ZAN: variants seen among roughly 807,000 people sequenced by gnomAD.
ZAN encodes the protein zonadhesin, also known as zonadhesin (gene/pseudogene).
A neutral mutation model predicts 286.2 loss-of-function variants in ZAN; 260 were observed. The ratio of observed to expected loss-of-function variants is 0.91; its 90% CI spans 0.82 to 1.01. The LOEUF is 1.01. ZAN is among the 50% of genes least tolerant of loss of function. The pLI is 0.00. For synonymous variants in ZAN, 1,368 were observed against 1,417.5 expected, an observed-to-expected ratio of 0.97 and a Z score of 0.79; for missense variants, 3,410 against 3,639.2, an observed-to-expected ratio of 0.94 and a Z score of 1.62.
rs781173241 is a variant in ZAN, at chr7:100,750,732, G to A, written c.1357G>A (p.Ala453Thr). The change falls in exon 12 of 48, where the codon GCA becomes ACA. Residue 453 changes from alanine (A) to threonine (T), a missense_variant. Ala to Thr is a moderately conservative substitution (Grantham distance 58). Around this residue, in one of 7 missense-constraint regions of ZAN, gnomAD observed 872 missense variants for 938.9 expected, o/e 0.93. Coordinates refer to ENST00000613979, the MANE Select transcript of ZAN (RefSeq NM_003386.3). ...CAPGDICVEF[A>T]YHMYGLGEGT... ...CCCAGGTGACATCTGCGTGGAGTTC[G>A]CATACCACATGTATGGCCTTGGGGA... The A allele has an allele frequency of 3.7e-6, 6 of 1,612,854 alleles. No homozygotes were observed. The highest frequency in any genetic ancestry group is 1.1e-5 in the South Asian group (1 of 90,836).
chr7:100,752,811 C>T lies in ZAN; in HGVS notation c.2706C>T (p.Pro902=). The T allele has an allele frequency of 6.3e-7, 1 of 1,594,420 alleles. No homozygotes were observed. The highest frequency in any genetic ancestry group is 8.6e-7 in the Non-Finnish European group (1 of 1,168,728). The change falls in exon 14 of 48, where the codon CCC becomes CCT. Residue 902 remains proline, a synonymous_variant. Coordinates refer to ENST00000613979, the MANE Select transcript of ZAN (RefSeq NM_003386.3). ...TTISTEKLTI[P]TEKPTISPEK... The stretch of plus-strand genomic sequence containing the variant: ...TCTCCACAGAAAAACTCACCATCCC[C>T]ACAGAAAAACCCACCATCTCCCCAG...
At chr7:100,760,722 G>C (rs532156196) in intron 19 of ZAN, among the ~76,000 whole-genome samples, 186 bp downstream of exon 19, 1 of 152,234 alleles carries the variant, frequency 6.6e-6, no homozygotes, top group African/African-American at 2.4e-5. Context: ...CCAGGAGACA[G>C]GAGAAAATGG....
At chr7:100,789,068 C>T in intron 38 of ZAN, 150 bp from the exon 39 acceptor site, 2 of 1,203,040 alleles carry the variant, frequency 1.7e-6, no homozygotes, top group Non-Finnish European at 2.2e-6. Flanking sequence ...AGGTTTCTGC[C>T]ACGTGAATAG....
chr7:100,766,478 A>G, intron 23 of ZAN, 47 bp from the exon 24 acceptor site: 3 of 1,505,374 alleles, frequency 2.0e-6, no homozygotes, highest in Admixed American at 4.2e-5. Context: ...AAAACAAAAC[A>G]AAGCAAAAAA....
chr7:100,762,940 G>C (rs1043838521), intron 20 of ZAN, among the ~76,000 whole-genome samples: 1 of 151,358 alleles, frequency 6.6e-6, no homozygotes, highest in African/African-American at 2.4e-5. Context: ...CACCAGATGG[G>C]GGGTTGACCA....
intron 7 of ZAN, among the ~76,000 whole-genome samples, chr7:100,744,621 G>A (rs890818693): frequency 1.3e-5 from 2 of 150,640 alleles, no homozygotes; most frequent in African/African-American, 4.9e-5. Context: ...AAATAAATAC[G>A]TACATAAATA....
intron 28 of ZAN, among the ~76,000 whole-genome samples, chr7:100,771,467 T>C (rs1810363543): frequency 6.6e-6 from 1 of 151,790 alleles, no homozygotes; most frequent in African/African-American, 2.4e-5. Flanking sequence ...AGTCTTGATC[T>C]GTTGCCCAGG....
intron 15 of ZAN, 40 bp from the exon 16 acceptor site, chr7:100,758,162 G>C: frequency 6.5e-7 from 1 of 1,536,002 alleles, no homozygotes; most frequent in Non-Finnish European, 8.8e-7. Flanking sequence ...AGTACTCTAG[G>C]AGCTATATGA....
At chr7:100,796,510 G>A (rs970919013) in intron 45 of ZAN, among the ~76,000 whole-genome samples, 3 of 147,872 alleles carry the variant, frequency 2.0e-5, no homozygotes, top group South Asian at 2.2e-4. Flanking sequence ...TCCACCTCCC[G>A]GGTTCAAGTG....
chr7:100,764,047 A>C lies in ZAN; in HGVS notation c.4118A>C (p.Lys1373Thr), dbSNP rs1809777173. 2 of 1,613,746 alleles carry C rather than the reference A, an allele frequency of 1.2e-6. No individual in the cohort carries two copies. The change falls in exon 22 of 48, where the codon AAG becomes ACG. Residue 1373 changes from lysine (K) to threonine (T), a missense_variant. By Grantham distance (78) the Lys-to-Thr change is moderately conservative. Transcript: ENST00000613979. Reference sequence around the variant, plus strand: ...CTCAGGACATGCCTGCTGCACGTGAAGGCCGCTTCCTTCTTCGACAGCTGC... The same window carrying C: ...CTCAGGACATGCCTGCTGCACGTGACGGCCGCTTCCTTCTTCGACAGCTGC... ...GPFETCLLHV[K>T]AASFFDSCML...
At chr7:100,756,697 TG>T (rs1404678081) in intron 15 of ZAN, among the ~76,000 whole-genome samples, 5 of 150,464 alleles carry the variant, frequency 3.3e-5, no homozygotes, top group African/African-American at 1.2e-4. Flanking sequence ...TATTCACTTT[TG>T]TTTTTTTTTT....
chr7:100,775,440 C>T lies in ZAN; in HGVS notation c.5892C>T (p.Ala1964=). 6.2e-7 allele frequency: 1 copy of T among 1,614,006 alleles called. No individual in the cohort carries two copies. The highest frequency in any genetic ancestry group is 1.1e-5 in the South Asian group (1 of 91,082). The change falls in exon 32 of 48, where the codon GCC becomes GCT. Residue 1964 remains alanine, a synonymous_variant. Transcript: ENST00000613979. The part of the protein sequence containing the change: ...TLVLVKVCHP[A]MALPFFKISA... The stretch of plus-strand genomic sequence containing the variant: ...TCCTGGTGAAAGTGTGCCACCCCGC[C>T]ATGGCCTTGCCCTTCTTCAAGATCA...
intron 11 of ZAN, among the ~76,000 whole-genome samples, chr7:100,749,391 AGC>A: frequency 6.6e-6 from 1 of 152,068 alleles, no homozygotes; most frequent in South Asian, 2.1e-4. Context: ...CTGTAATCCC[AGC>A]ACTTTGGGAG....
chr7:100,784,926 T>C, intron 36 of ZAN, 92 bp downstream of exon 36: 2 of 1,391,414 alleles, frequency 1.4e-6, no homozygotes, highest in Non-Finnish European at 1.9e-6. Context: ...GGGATACCCA[T>C]GACTTACAGC....
At position 100,769,880 on chromosome 7, in the gene ZAN, C is replaced by G. The variant is rs1233749954; in HGVS notation, c.5154C>G (p.Gly1718=). ...AWKLPESSEP[G]CFLVGGKPSS... ...TCAGTTTCTATTCTCTCTCATTTAGCTGTTTCCTTGTGGGTGGCAAGCCCT... is the reference window on the plus strand; with the variant it reads ...TCAGTTTCTATTCTCTCTCATTTAGGTGTTTCCTTGTGGGTGGCAAGCCCT... The change falls in exon 28 of 48, where the codon GGC becomes GGG. Residue 1718 remains glycine, a splice_region_variant and synonymous_variant. Transcript: ENST00000613979. 34 of 1,554,360 alleles carry G rather than the reference C, an allele frequency of 2.2e-5. No individual in the cohort carries two copies. Among genetic ancestry groups the G allele is most frequent in the Non-Finnish European group, 2.9e-5 (33 of 1,148,418 alleles).
Position 100,764,051 on chromosome 7 carries a change from C to T in ZAN, c.4122C>T (p.Ala1374=), listed in dbSNP as rs780035323. The T allele has an allele frequency of 6.2e-6, 10 of 1,613,780 alleles. No homozygotes were observed. Among genetic ancestry groups the T allele is most frequent in the South Asian group, 2.2e-5 (2 of 91,088 alleles). ...PFETCLLHVK[A]ASFFDSCMLD... is the part of the protein sequence containing the mutation. ...GGACATGCCTGCTGCACGTGAAGGC[C>T]GCTTCCTTCTTCGACAGCTGCATGC... The change falls in exon 22 of 48, where the codon GCC becomes GCT. Residue 1374 remains alanine, a synonymous_variant. Transcript: ENST00000613979.
chr7:100,750,811 C>T lies in ZAN; in HGVS notation c.1436C>T (p.Pro479Leu). Residue 479 changes from proline to leucine, a missense_variant, in exon 12 of 48, where the codon CCT becomes CTT. Physicochemically the swap from Pro to Leu is moderately conservative, Grantham distance 98 (BLOSUM62 -3). Coordinates refer to ENST00000613979, the MANE Select transcript of ZAN (RefSeq NM_003386.3). Reference sequence around the variant, plus strand: ...AGTCCTGCGGGGAGTCCCCCGATTCCTCTCTGGAAACGCGTGGGGTCTCAG... The same window carrying T: ...AGTCCTGCGGGGAGTCCCCCGATTCTTCTCTGGAAACGCGTGGGGTCTCAG... ...LGSPAGSPPIPLWKRVGSQRP... is the reference protein window; with the variant it reads ...LGSPAGSPPILLWKRVGSQRP... The T allele has an allele frequency of 6.2e-7, 1 of 1,608,038 alleles. No homozygotes were observed. Among genetic ancestry groups the T allele is most frequent in the Non-Finnish European group, 8.5e-7 (1 of 1,175,954 alleles).
chr7:100,741,519 C>T (rs1807761622), intron 7 of ZAN, among the ~76,000 whole-genome samples: 1 of 55,390 alleles, frequency 1.8e-5, no homozygotes, highest in Admixed American at 1.5e-4. Flanking sequence ...GGGGCTGACC[C>T]CCCCCACCTC....
chr7:100,791,753 G>C (rs1811976828), intron 40 of ZAN, among the ~76,000 whole-genome samples: 1 of 148,644 alleles, frequency 6.7e-6, no homozygotes, highest in South Asian at 2.1e-4. Context: ...TTAGAGACCG[G>C]GTCGTGCTCT....
Sources: allele counts gnomAD v4.1 joint callset (sites outside exome capture counted in the v4.1 genomes callset), GRCh38; gene constraint gnomAD v4.1.1; regional missense constraint gnomAD v4.1.1; transcripts MANE v1.5; gene names NCBI Gene and HGNC (gene_info 2026-07-23, HGNC 2026-07-21).